The following APBB2 variants were observed in gnomAD, a reference collection of about 807,000 sequenced individuals.
The protein encoded by APBB2 is amyloid beta precursor protein binding family B member 2, also known as Fe65-like 1.
Under a neutral mutation model 82.5 loss-of-function variants are expected in APBB2, and 38 were observed. That is an observed-to-expected ratio of 0.46 (90% CI 0.36 to 0.60). The LOEUF (loss-of-function observed/expected upper bound fraction) is 0.60, where lower values mean the gene tolerates loss of function less well. Ranked by LOEUF, APBB2 falls within the 20% of genes least tolerant of loss-of-function variation. The pLI is 0.00. For missense variants in APBB2, 772 were observed against 972.3 expected (o/e 0.79, Z 2.74); for synonymous variants, 341 against 368.2 (o/e 0.93, Z 0.85).
chr4:41,037,167 G>T (rs1200844489), intron 4 of APBB2, among the ~76,000 whole-genome samples: 2 of 152,160 alleles, frequency 1.3e-5, no homozygotes. Context: ...TTAGGTAGGT[G>T]AGTCTACTTC....
chr4:40,962,114 T>C (rs1274610195), intron 6 of APBB2, among the ~76,000 whole-genome samples: 1 of 152,182 alleles, frequency 6.6e-6, no homozygotes, highest in Non-Finnish European at 1.5e-5. Context: ...GGTTTTTCTT[T>C]CCCAGCAATG....
chr4:41,180,882 T>C (rs1771147341), intron 1 of APBB2, among the ~76,000 whole-genome samples: 1 of 152,142 alleles, frequency 6.6e-6, no homozygotes, highest in African/African-American at 2.4e-5. Flanking sequence ...TTAATTCTAC[T>C]TCCTTCCTTT....
intron 12 of APBB2, among the ~76,000 whole-genome samples, chr4:40,855,785 T>C (rs1358661667): frequency 3.9e-5 from 6 of 152,134 alleles, no homozygotes; most frequent in Non-Finnish European, 1.5e-5. Context: ...GGGTTCTTAC[T>C]GAGCTACAAA....
intron 6 of APBB2, among the ~76,000 whole-genome samples, chr4:41,007,014 C>T (rs537622887): frequency 6.6e-6 from 1 of 152,270 alleles, no homozygotes; most frequent in Admixed American, 6.5e-5. Flanking sequence ...TGCCTCAAGA[C>T]TGGAAACCAA....
chr4:40,861,646 T>A (rs996466154), intron 12 of APBB2, among the ~76,000 whole-genome samples: 6 of 152,200 alleles, frequency 3.9e-5, no homozygotes, highest in African/African-American at 1.4e-4. Flanking sequence ...ACAGAAAAGG[T>A]ACACAAACGG....
intron 10 of APBB2, among the ~76,000 whole-genome samples, chr4:40,900,756 CTTT>C (rs71988912): frequency 8.5e-5 from 11 of 130,078 alleles, no homozygotes; most frequent in Non-Finnish European, 6.6e-5. Flanking sequence ...TGAGCCCGGG[CTTT>C]TTTTTTTTTT....
intron 10 of APBB2, 59 bp downstream of exon 10, chr4:40,934,397 A>G: frequency 6.6e-7 from 1 of 1,525,040 alleles, no homozygotes; most frequent in Non-Finnish European, 9.1e-7. Context: ...ACAATGATCC[A>G]AAGTCATTAT....
intron 6 of APBB2, among the ~76,000 whole-genome samples, chr4:40,985,503 T>C (rs1352144786): frequency 6.6e-6 from 1 of 152,146 alleles, no homozygotes; most frequent in Non-Finnish European, 1.5e-5. Flanking sequence ...ACAGGGCCAA[T>C]TGTGGGGTGG....
chr4:40,822,110 C>CA (rs1748185806), intron 16 of APBB2, 60 bp from the exon 17 acceptor site: 1 of 1,583,352 alleles, frequency 6.3e-7, no homozygotes, highest in African/African-American at 1.3e-5. Context: ...TTAAGAGTGG[C>CA]AGCACATAGG....
chr4:41,075,962 C>T (rs762387984), intron 3 of APBB2, among the ~76,000 whole-genome samples: 8 of 152,112 alleles, frequency 5.3e-5, no homozygotes, highest in Non-Finnish European at 7.3e-5. Flanking sequence ...AAGTTGATCA[C>T]CAGGGATTAT....
At chr4:41,031,890 G>A (rs1015178074) in intron 5 of APBB2, among the ~76,000 whole-genome samples, 5 of 151,790 alleles carry the variant, frequency 3.3e-5, no homozygotes, top group Admixed American at 6.6e-5. Context: ...TATTCAATAC[G>A]TATTGACAAA....
intron 12 of APBB2, among the ~76,000 whole-genome samples, chr4:40,885,387 T>C (rs1255513320): frequency 1.3e-5 from 2 of 152,176 alleles, no homozygotes; most frequent in African/African-American, 4.8e-5. Context: ...ACTTAGGTAA[T>C]GTCCAGGAAG....
intron 5 of APBB2, among the ~76,000 whole-genome samples, chr4:41,029,932 G>A (rs541977948): frequency 9.2e-5 from 14 of 152,168 alleles, no homozygotes; most frequent in East Asian, 3.9e-4. Context: ...TGAGGCAGGC[G>A]GATCACGAGG....
At position 40,933,348 on chromosome 4, in the gene APBB2, C is replaced by T. The variant is rs115852825; in HGVS notation, c.1254+1108G>A. Among the ~76,000 whole-genome samples, 437 of 152,220 alleles carry T rather than the reference C, an allele frequency of 2.9e-3. 2 individuals carry two copies. The highest frequency in any genetic ancestry group is 9.7e-3 in the African/African-American group (403 of 41,542). On this transcript the variant is annotated intron_variant, in intron 10 of 17. Coordinates refer to ENST00000508593, the MANE Select transcript of APBB2 (RefSeq NM_004307.2). Reference sequence around the variant, plus strand: ...AGATGCACCATGCACTGATCAGGGGCGGGTAAATCAAGCCAGGAACCCTCT... The same window carrying T: ...AGATGCACCATGCACTGATCAGGGGTGGGTAAATCAAGCCAGGAACCCTCT...
At chr4:40,886,217 G>C (rs1023028861) in intron 12 of APBB2, among the ~76,000 whole-genome samples, 1 of 152,184 alleles carries the variant, frequency 6.6e-6, no homozygotes, top group Admixed American at 6.5e-5. Flanking sequence ...AGTGGCCCAC[G>C]CCTGTAATCC....
At chr4:40,921,339 G>GTGGGA in intron 10 of APBB2, among the ~76,000 whole-genome samples, 1 of 152,206 alleles carries the variant, frequency 6.6e-6, no homozygotes, top group Non-Finnish European at 1.5e-5. Flanking sequence ...TAAGGAAGTT[G>GTGGGA]TTTAGGTTCT....
chr4:40,833,095 T>C (rs1415965448), intron 12 of APBB2, among the ~76,000 whole-genome samples: 1 of 152,064 alleles, frequency 6.6e-6, no homozygotes, highest in Non-Finnish European at 1.5e-5. Context: ...CTTTTGGAGA[T>C]CACACTCAAG....
chr4:41,026,855 T>C (rs1257229416), intron 5 of APBB2, among the ~76,000 whole-genome samples: 5 of 152,190 alleles, frequency 3.3e-5, no homozygotes, highest in Non-Finnish European at 7.3e-5. Context: ...TTGATAAACA[T>C]AGAAATTGAC....
At chr4:40,985,568 C>A (rs983645801) in intron 6 of APBB2, among the ~76,000 whole-genome samples, 1 of 152,142 alleles carries the variant, frequency 6.6e-6, no homozygotes, top group African/African-American at 2.4e-5. Flanking sequence ...TCTTTTAAAA[C>A]CCACTTTAGT....
Sources: gnomAD v4.1 joint callset for allele counts (sites outside exome capture counted in the v4.1 genomes callset) on GRCh38, gnomAD v4.1.1 for gene constraint, MANE v1.5 for transcripts, NCBI Gene and HGNC (gene_info 2026-07-23, HGNC 2026-07-21) for gene names.